PRELID2: variants seen among roughly 807,000 people sequenced by gnomAD.
PRELID2 encodes PRELI domain-containing protein 2.
PRELID2 carries 25 observed loss-of-function variants against 28.4 expected under a neutral mutation model. That is an observed-to-expected ratio of 0.88 (90% confidence interval 0.64 to 1.23). The LOEUF is 1.23. Ranked by LOEUF, PRELID2 falls within the 50% of genes most tolerant of loss-of-function variation. The pLI is 0.00. For missense variants in PRELID2, 201 were observed against 214.4 expected (o/e 0.94, Z 0.39); for synonymous variants, 76 against 71.6 (o/e 1.06, Z -0.31).
chr5:145,331,714 T>C, the PRELID2 span, among the ~76,000 whole-genome samples: 2 of 152,084 alleles, frequency 1.3e-5, no homozygotes, highest in African/African-American at 4.8e-5. Flanking sequence ...GGGTCTTGAG[T>C]CTTTATCCAA....
the PRELID2 span, among the ~76,000 whole-genome samples, chr5:145,454,673 A>C: frequency 1.1e-4 from 17 of 152,180 alleles, no homozygotes; most frequent in Admixed American, 1.1e-3. Flanking sequence ...GTGAACTCCC[A>C]TTCACAATTG....
chr5:145,737,775 C>T (rs993416488), intron 1 of PRELID2, among the ~76,000 whole-genome samples: 3 of 150,860 alleles, frequency 2.0e-5, no homozygotes, highest in Admixed American at 1.3e-4. Flanking sequence ...CAGGATGTAA[C>T]TTCAGGGAGG....
At chr5:145,257,001 T>C in the PRELID2 span, among the ~76,000 whole-genome samples, 19 of 151,762 alleles carry the variant, frequency 1.3e-4, no homozygotes, top group Non-Finnish European at 2.4e-4. Flanking sequence ...TTTCTTTGGC[T>C]GAAGGAAAAT....
intron 1 of PRELID2, among the ~76,000 whole-genome samples, chr5:145,594,700 A>G (rs1440151928): frequency 6.6e-6 from 1 of 152,212 alleles, no homozygotes; most frequent in Admixed American, 6.5e-5. Flanking sequence ...TAAAAAACAT[A>G]TAAGTCCATA....
At chr5:145,256,514 G>C in the PRELID2 span, among the ~76,000 whole-genome samples, 1 of 151,864 alleles carries the variant, frequency 6.6e-6, no homozygotes, top group East Asian at 1.9e-4. Context: ...TGCAACCTTA[G>C]TTGCCCTTTT....
At chr5:145,248,121 G>A in the PRELID2 span, among the ~76,000 whole-genome samples, 6 of 152,054 alleles carry the variant, frequency 3.9e-5, no homozygotes, top group Non-Finnish European at 5.9e-5. Flanking sequence ...TATTAATAAT[G>A]ATACTTCAAC....
intron 5 of PRELID2, among the ~76,000 whole-genome samples, 186 bp from the exon 6 acceptor site, chr5:145,765,186 C>T (rs1240710885): frequency 6.6e-6 from 1 of 152,104 alleles, no homozygotes; most frequent in African/African-American, 2.4e-5. Context: ...ACATTATCTC[C>T]GCATGTGCTC....
At chr5:145,426,276 T>C in the PRELID2 span, among the ~76,000 whole-genome samples, 1 of 152,152 alleles carries the variant, frequency 6.6e-6, no homozygotes, top group Non-Finnish European at 1.5e-5. Context: ...AAGATCAATA[T>C]AGAAATAACT....
At chr5:145,414,239 A>C in the PRELID2 span, among the ~76,000 whole-genome samples, 4 of 152,276 alleles carry the variant, frequency 2.6e-5, no homozygotes, top group African/African-American at 7.2e-5. Context: ...CCACAATTCA[A>C]AATCTCTGGC....
the PRELID2 span, among the ~76,000 whole-genome samples, chr5:145,310,337 T>A: frequency 2.7e-3 from 405 of 152,312 alleles, 6 homozygotes; most frequent in African/African-American, 7.1e-3. Context: ...CCTTACAATA[T>A]CAGACTTCTG....
the PRELID2 span, among the ~76,000 whole-genome samples, chr5:145,368,289 G>A: frequency 0.024 from 3,600 of 151,888 alleles, 136 homozygotes; most frequent in African/African-American, 0.08. Flanking sequence ...CGGCTCTAAA[G>A]CCACCAATTT....
chr5:145,721,995 C>T (rs371856503), intron 1 of PRELID2, among the ~76,000 whole-genome samples: 10 of 152,038 alleles, frequency 6.6e-5, no homozygotes, highest in Admixed American at 2.6e-4. Context: ...TACAGAAGCA[C>T]GCTAAAAATA....
the PRELID2 span, among the ~76,000 whole-genome samples, chr5:145,288,899 G>A: frequency 1.3e-5 from 2 of 152,004 alleles, no homozygotes; most frequent in Non-Finnish European, 2.9e-5. Context: ...TTCCATCAGG[G>A]TACATGTATG....
the PRELID2 span, among the ~76,000 whole-genome samples, chr5:145,385,480 G>A: frequency 6.6e-6 from 1 of 152,126 alleles, no homozygotes; most frequent in South Asian, 2.1e-4. Flanking sequence ...GGGCAACACT[G>A]TGTGGAGGAA....
chr5:145,414,233 A>T, the PRELID2 span, among the ~76,000 whole-genome samples: 2 of 152,168 alleles, frequency 1.3e-5, no homozygotes, highest in Non-Finnish European at 2.9e-5. Context: ...AGTTATCCAC[A>T]ATTCAAAATC....
chr5:145,297,902 C>T, the PRELID2 span, among the ~76,000 whole-genome samples: 9 of 152,160 alleles, frequency 5.9e-5, no homozygotes, highest in East Asian at 1.2e-3. Flanking sequence ...CCTAGGAATC[C>T]AACTTACAAG....
chr5:145,531,608 C>T (rs1752655751), intron 1 of PRELID2, among the ~76,000 whole-genome samples: 1 of 152,180 alleles, frequency 6.6e-6, no homozygotes, highest in Admixed American at 6.5e-5. Flanking sequence ...AGGCCCATTG[C>T]TCGTTAAAAT....
the PRELID2 span, among the ~76,000 whole-genome samples, chr5:145,393,458 CG>C: frequency 6.6e-6 from 1 of 152,124 alleles, no homozygotes; most frequent in African/African-American, 2.4e-5. Flanking sequence ...ATTCAAGCAT[CG>C]GGCAGCCTCC....
chr5:145,614,830 T>C lies in PRELID2; in HGVS notation n.71-141515A>G, dbSNP rs1225009477. On this transcript the variant is annotated intron_variant and non_coding_transcript_variant, in intron 1 of 2. Coordinates refer to the PRELID2 transcript ENST00000510259. ...TTGGATACCCTTTATTTCTTTCTCT[T>C]GTCTGGTTGCTCTGGCTAGGACTTC... 3.3e-5 allele frequency among the ~76,000 whole-genome samples: 5 copies of C among 152,332 alleles called. No homozygotes were observed. The East Asian group carries it at 9.7e-4, about 29-fold the overall frequency.
Sources: gnomAD v4.1 joint callset for allele counts (sites outside exome capture counted in the v4.1 genomes callset) on GRCh38, gnomAD v4.1.1 for gene constraint, MANE v1.5 for transcripts, NCBI Gene and HGNC (gene_info 2026-07-23, HGNC 2026-07-21) for gene names.